The following THADA variants were observed in gnomAD, a reference collection of about 807,000 sequenced individuals.
THADA encodes the protein THADA armadillo repeat containing.
Under a neutral mutation model 219.8 loss-of-function variants are expected in THADA, and 213 were observed. The observed-to-expected ratio is 0.97, with a 90% CI of 0.87 to 1.09. The LOEUF (loss-of-function observed/expected upper bound fraction) is 1.09, where lower values mean the gene tolerates loss of function less well. Ranked by LOEUF, THADA falls within the 50% of genes least tolerant of loss-of-function variation. THADA has a pLI of 0.00. For missense variants in THADA, 2,956 were observed against 2,311.3 expected (o/e 1.28, Z -5.72); for synonymous variants, 1,018 against 828.9 (o/e 1.23, Z -3.92).
chr2:43,331,394 T>A (rs1385088025), intron 30 of THADA, among the ~76,000 whole-genome samples: 1 of 152,250 alleles, frequency 6.6e-6, no homozygotes, highest in Non-Finnish European at 1.5e-5. Flanking sequence ...GAAACTCTGA[T>A]GACCACTAAG....
At chr2:43,528,565 C>T (rs114343025) in intron 21 of THADA, among the ~76,000 whole-genome samples, 6 of 152,152 alleles carry the variant, frequency 3.9e-5, no homozygotes, top group African/African-American at 1.4e-4. Flanking sequence ...CAAGGTCAGA[C>T]AGCAAGAAAG....
chr2:43,245,169 C>CTTTTTTTTTT, intron 36 of THADA, among the ~76,000 whole-genome samples: 2 of 88,478 alleles, frequency 2.3e-5, no homozygotes, highest in Admixed American at 9.8e-5. Context: ...TTTCTTTCTT[C>CTTTTTTTTTT]TTCTTTTTTT....
intron 3 of THADA, 56 bp downstream of exon 3, chr2:43,591,896 T>C: frequency 8.4e-7 from 1 of 1,194,548 alleles, no homozygotes; most frequent in Middle Eastern, 2.1e-4. Context: ...TTTTTTTAAA[T>C]CCTTAATAGC....
chr2:43,403,827 C>T (rs576480382), intron 28 of THADA, among the ~76,000 whole-genome samples: 3 of 152,142 alleles, frequency 2.0e-5, no homozygotes, highest in South Asian at 2.1e-4. Context: ...CCCCACACCC[C>T]CAACACACCC....
rs371427417 is a variant in THADA, at chr2:43,477,672, G to A, written c.3836+7562C>T. Among the ~76,000 whole-genome samples, 79 of 152,264 alleles carry A rather than the reference G, an allele frequency of 5.2e-4. No homozygotes were observed. In the South Asian group the frequency reaches 0.013, roughly 26 times the overall value. On this transcript the variant is annotated intron_variant, in intron 26 of 37. Transcript: ENST00000405975. ...CAAAGACTTCTAAATGAATCCCAAT[G>A]TTCTGTAAAATTCAAACTAGTCTCC...
At chr2:43,459,814 T>C (rs755517140) in intron 26 of THADA, among the ~76,000 whole-genome samples, 3 of 152,184 alleles carry the variant, frequency 2.0e-5, no homozygotes, top group Non-Finnish European at 4.4e-5. Flanking sequence ...TTCACTACTG[T>C]AGACTTGTTT....
chr2:43,523,714 A>T (rs1309440217), intron 22 of THADA, among the ~76,000 whole-genome samples: 2 of 152,202 alleles, frequency 1.3e-5, no homozygotes, highest in East Asian at 3.8e-4. Flanking sequence ...TAAATGTCAC[A>T]ATTTAATTTT....
intron 10 of THADA, among the ~76,000 whole-genome samples, chr2:43,576,321 A>G (rs894160636): frequency 6.6e-6 from 1 of 152,222 alleles, no homozygotes; most frequent in African/African-American, 2.4e-5. Context: ...GATCACTTTC[A>G]GCCATTATGG....
chr2:43,483,891 C>T (rs1686554202), intron 26 of THADA, among the ~76,000 whole-genome samples: 2 of 151,866 alleles, frequency 1.3e-5, no homozygotes, highest in South Asian at 4.2e-4. Flanking sequence ...CAGTATTTAT[C>T]AAGGCCTTAT....
At chr2:43,471,116 T>C (rs186909629) in intron 26 of THADA, among the ~76,000 whole-genome samples, 74 of 152,254 alleles carry the variant, frequency 4.9e-4, no homozygotes, top group African/African-American at 1.7e-3. Context: ...CCTAAGTAAA[T>C]ATACCAAAAA....
chr2:43,511,216 T>G (rs1690397956), intron 22 of THADA, among the ~76,000 whole-genome samples: 1 of 152,124 alleles, frequency 6.6e-6, no homozygotes, highest in Admixed American at 6.5e-5. Flanking sequence ...TAGGAAAAAC[T>G]AAGGGGAAGA....
chr2:43,298,621 G>A (rs1379484911), intron 31 of THADA, among the ~76,000 whole-genome samples: 2 of 150,742 alleles, frequency 1.3e-5, no homozygotes, highest in African/African-American at 4.9e-5. Flanking sequence ...AAAAAAAATT[G>A]TAATTAACAA....
Position 43,231,235 on chromosome 2 carries a change from C to T in THADA, c.5575G>A (p.Gly1859Ser), listed in dbSNP as rs542006140. The T allele has an allele frequency of 3.8e-5, 62 of 1,613,676 alleles. No individual in the cohort carries two copies. Among genetic ancestry groups the T allele is most frequent in the Non-Finnish European group, 4.5e-5 (53 of 1,179,756 alleles). Residue 1859 changes from glycine to serine, a missense_variant, in exon 38 of 38, where the codon GGC becomes AGC. Coordinates refer to ENST00000405975, the MANE Select transcript of THADA (RefSeq NM_022065.5). ...KHLFCLLSKS[G>S]WRPPSPEMLC... The stretch of plus-strand genomic sequence containing the variant: ...ATCTCAGGGCTTGGGGGACGCCAGC[C>T]GGACTTTGAGAGGAGACAGAAGAGG...
At chr2:43,426,993 G>A (rs1166259495) in intron 28 of THADA, among the ~76,000 whole-genome samples, 4 of 152,112 alleles carry the variant, frequency 2.6e-5, no homozygotes, top group Middle Eastern at 3.2e-3. Context: ...TCAGAAGACG[G>A]CAAATGCCTG....
chr2:43,306,281 G>C (rs1676852508), intron 31 of THADA, among the ~76,000 whole-genome samples: 1 of 152,162 alleles, frequency 6.6e-6, no homozygotes, highest in South Asian at 2.1e-4. Flanking sequence ...CAAAGTGTTG[G>C]TACTACAGGT....
At chr2:43,505,310 G>A (rs1689524100) in intron 24 of THADA, among the ~76,000 whole-genome samples, 1 of 151,858 alleles carries the variant, frequency 6.6e-6, no homozygotes. Context: ...TTATTTTGTG[G>A]ATGGTAAAGA....
chr2:43,289,964 T>G (rs898822830), intron 34 of THADA, among the ~76,000 whole-genome samples: 15 of 134,684 alleles, frequency 1.1e-4, no homozygotes, highest in African/African-American at 4.4e-4. Flanking sequence ...CTGGTGTTTT[T>G]TTTTTGTTTT....
chr2:43,367,275 C>T (rs1670268125), intron 29 of THADA, among the ~76,000 whole-genome samples: 1 of 152,120 alleles, frequency 6.6e-6, no homozygotes, highest in African/African-American at 2.4e-5. Flanking sequence ...AATGTGACCA[C>T]ACAACATTAC....
chr2:43,500,633 G>C lies in THADA; in HGVS notation c.3622-1678C>G, dbSNP rs144886668. On this transcript the variant is annotated intron_variant, in intron 24 of 37. Coordinates refer to ENST00000405975, the MANE Select transcript of THADA (RefSeq NM_022065.5). ...AATTTCCTTAATAAGATACTGGGTA[G>C]ATTAAAAATTGCAGCAGATTGATCA... Among the ~76,000 whole-genome samples the C allele has an allele frequency of 4.5e-3, 679 of 152,302 alleles. 4 individuals are homozygous for C. The highest frequency in any genetic ancestry group is 0.016 in the African/African-American group (647 of 41,574).
Sources: gnomAD v4.1 joint callset for allele counts (sites outside exome capture counted in the v4.1 genomes callset) on GRCh38, gnomAD v4.1.1 for gene constraint, MANE v1.5 for transcripts, NCBI Gene and HGNC (gene_info 2026-07-23, HGNC 2026-07-21) for gene names.